Variants in CDKL3 observed in about 807,000 individuals in gnomAD.
The protein encoded by CDKL3 is cyclin dependent kinase like 3, also known as cyclin-dependent kinase-like 3.
CDKL3 carries 65 observed loss-of-function variants against 69.3 expected under a neutral mutation model. That is an observed-to-expected ratio of 0.94 (90% CI 0.77 to 1.15). The LOEUF is 1.15. Ranked by LOEUF, CDKL3 falls within the 50% of genes most tolerant of loss-of-function variation. The pLI, the probability that CDKL3 is intolerant of heterozygous loss-of-function variation, is 0.00. For synonymous variants in CDKL3, 202 were observed against 221.6 expected (o/e 0.91, Z 0.79); for missense variants, 652 against 689.2 (o/e 0.95, Z 0.61).
chr5:134,323,295 C>T (rs1422124031), intron 4 of CDKL3, among the ~76,000 whole-genome samples: 1 of 152,148 alleles, frequency 6.6e-6, no homozygotes, highest in Non-Finnish European at 1.5e-5. Flanking sequence ...TACCTCAAAA[C>T]ATCATGCTGT....
chr5:134,349,446 C>T (rs932732379), intron 4 of CDKL3, among the ~76,000 whole-genome samples: 1 of 152,132 alleles, frequency 6.6e-6, no homozygotes, highest in Non-Finnish European at 1.5e-5. Context: ...CATGCCACCA[C>T]GCCTGGCTAA....
downstream of CDKL3, among the ~76,000 whole-genome samples, chr5:134,293,712 G>A (rs61355156): frequency 0.16 from 23,575 of 151,906 alleles, 2,360 homozygotes; most frequent in African/African-American, 0.28. Flanking sequence ...AGTTGGGAGG[G>A]CGGCTTGAGC....
chr5:134,369,415 A>C (rs1325709510), upstream of CDKL3, among the ~76,000 whole-genome samples: 2 of 152,188 alleles, frequency 1.3e-5, 1 homozygote, highest in Non-Finnish European at 2.9e-5. Flanking sequence ...TCGTCAGCTC[A>C]ACAGGGAAAG....
At chr5:134,366,881 C>A (rs772064788) in intron 1 of CDKL3, 96 bp downstream of exon 1, 2 of 1,003,246 alleles carry the variant, frequency 2.0e-6, no homozygotes, top group African/African-American at 3.5e-5. Flanking sequence ...ATAATAGGTT[C>A]CCGCACTACT....
chr5:134,332,794 T>C (rs902916160), intron 4 of CDKL3, among the ~76,000 whole-genome samples: 1 of 152,240 alleles, frequency 6.6e-6, no homozygotes, highest in Non-Finnish European at 1.5e-5. Flanking sequence ...TTTGGTTCCA[T>C]GTGAACTTTA....
At chr5:134,305,147 G>A (rs1767460281) in intron 10 of CDKL3, among the ~76,000 whole-genome samples, 1 of 151,668 alleles carries the variant, frequency 6.6e-6, no homozygotes, top group Non-Finnish European at 1.5e-5. Context: ...ACAGAGTCTT[G>A]CTTTGTTGTC....
chr5:134,358,592 A>ATATTTATT (rs111820764), intron 3 of CDKL3, among the ~76,000 whole-genome samples: 3 of 150,650 alleles, frequency 2.0e-5, no homozygotes, highest in African/African-American at 2.4e-5. Flanking sequence ...CCAGCTTGCT[A>ATATTTATT]TATTTATTTA....
chr5:134,348,472 A>C (rs1396121576), intron 4 of CDKL3, among the ~76,000 whole-genome samples: 2 of 152,154 alleles, frequency 1.3e-5, no homozygotes, highest in Non-Finnish European at 2.9e-5. Context: ...ACACAATGTG[A>C]AGTCTCCTAG....
chr5:134,335,342 T>C (rs1254791885), intron 4 of CDKL3, among the ~76,000 whole-genome samples: 1 of 152,206 alleles, frequency 6.6e-6, no homozygotes, highest in Non-Finnish European at 1.5e-5. Context: ...AATATTATTA[T>C]GTGTGAATTT....
chr5:134,313,643 A>T (rs1770183529), intron 6 of CDKL3, among the ~76,000 whole-genome samples: 1 of 152,202 alleles, frequency 6.6e-6, no homozygotes, highest in Admixed American at 6.5e-5. Flanking sequence ...TGATTCACAG[A>T]AAAAAATCTA....
intron 6 of CDKL3, among the ~76,000 whole-genome samples, chr5:134,315,213 T>TA (rs371842064): frequency 3.8e-4 from 56 of 147,334 alleles, no homozygotes; most frequent in African/African-American, 7.7e-4. Context: ...TACTAGTTGT[T>TA]AAAAAAAAAA....
intron 4 of CDKL3, among the ~76,000 whole-genome samples, chr5:134,329,456 A>C (rs1469486100): frequency 2.0e-5 from 3 of 151,886 alleles, no homozygotes; most frequent in Admixed American, 6.6e-5. Context: ...ATTTAATTTA[A>C]TTTAATTTTT....
intron 10 of CDKL3, among the ~76,000 whole-genome samples, chr5:134,305,911 A>AT (rs1299217768): frequency 6.6e-6 from 1 of 152,104 alleles, no homozygotes; most frequent in African/African-American, 2.4e-5. Context: ...TATTTTGATT[A>AT]TTTTTTCTAG....
At chr5:134,370,128 T>C (rs1758202492), upstream of CDKL3, among the ~76,000 whole-genome samples, 1 of 152,224 alleles carries the variant, frequency 6.6e-6, no homozygotes. Context: ...AAGTTAACTC[T>C]GCTTCCATGG....
intron 4 of CDKL3, among the ~76,000 whole-genome samples, chr5:134,330,642 G>C (rs1402912284): frequency 1.3e-5 from 2 of 152,032 alleles, no homozygotes; most frequent in Admixed American, 1.3e-4. Context: ...TTGAGCCCAG[G>C]AAACAGAGGT....
At chr5:134,336,141 G>A (rs1777051526) in intron 4 of CDKL3, among the ~76,000 whole-genome samples, 1 of 152,154 alleles carries the variant, frequency 6.6e-6, no homozygotes, top group Non-Finnish European at 1.5e-5. Flanking sequence ...TATGCTTCAT[G>A]AAGTTTTTCG....
At chr5:134,284,131 G>A (rs544951385), downstream of CDKL3, among the ~76,000 whole-genome samples, 2 of 152,206 alleles carry the variant, frequency 1.3e-5, no homozygotes, top group East Asian at 3.9e-4. Context: ...GCTTTTCCAG[G>A]CACACAGTGC....
upstream of CDKL3, among the ~76,000 whole-genome samples, chr5:134,367,527 C>G (rs548854352): frequency 2.6e-5 from 4 of 152,160 alleles, no homozygotes; most frequent in African/African-American, 9.6e-5. Flanking sequence ...GCGTGTGCCA[C>G]CACGCCCGGA....
upstream of CDKL3, among the ~76,000 whole-genome samples, chr5:134,370,809 G>C (rs1472078223): frequency 6.6e-6 from 1 of 152,180 alleles, no homozygotes; most frequent in Non-Finnish European, 1.5e-5. Context: ...CTTGCCCCAA[G>C]TACCAGAGTT....
Sources: gnomAD v4.1 joint callset for allele counts (sites outside exome capture counted in the v4.1 genomes callset) on GRCh38, gnomAD v4.1.1 for gene constraint, MANE v1.5 for transcripts, NCBI Gene and HGNC (gene_info 2026-07-23, HGNC 2026-07-21) for gene names.